The following KSR2 variants were observed in gnomAD, a reference collection of about 807,000 sequenced individuals.
KSR2 encodes kinase suppressor of ras 2.
KSR2 carries 25 observed loss-of-function variants against 107.8 expected under a neutral mutation model. The observed-to-expected ratio is 0.23, with a 90% confidence interval of 0.17 to 0.32. The LOEUF (loss-of-function observed/expected upper bound fraction) is 0.32, where lower values mean the gene tolerates loss of function less well. Ranked by LOEUF, KSR2 falls within the 10% of genes least tolerant of loss-of-function variation. KSR2 has a pLI of 1.00. For synonymous variants in KSR2, 480 were observed against 507.0 expected, an observed-to-expected ratio of 0.95 and a Z score of 0.71; for missense variants, 887 against 1,268.9, an observed-to-expected ratio of 0.70 and a Z score of 4.57.
intron 9 of KSR2, among the ~76,000 whole-genome samples, chr12:117,540,670 G>A (rs1474434150): frequency 6.6e-6 from 1 of 152,120 alleles, no homozygotes. Context: ...ACAGACATAT[G>A]GAGAGGAAAG....
At chr12:117,526,915 C>G (rs1246118177) in intron 13 of KSR2, among the ~76,000 whole-genome samples, 156 bp downstream of exon 13, 1 of 152,178 alleles carries the variant, frequency 6.6e-6, no homozygotes, top group Non-Finnish European at 1.5e-5. Flanking sequence ...GGGACCACTG[C>G]TTGCTAATTG....
At chr12:117,716,628 G>A (rs1024802620) in intron 4 of KSR2, among the ~76,000 whole-genome samples, 1 of 152,074 alleles carries the variant, frequency 6.6e-6, no homozygotes. Context: ...TACATACAGG[G>A]TTTGTATTAC....
chr12:117,737,487 A>G (rs1887989653), intron 4 of KSR2, among the ~76,000 whole-genome samples: 1 of 152,104 alleles, frequency 6.6e-6, no homozygotes, highest in Non-Finnish European at 1.5e-5. Context: ...CATTTCTTTA[A>G]ATTGACTTTT....
chr12:117,578,437 T>TACA (rs1593013187), intron 7 of KSR2, among the ~76,000 whole-genome samples: 1 of 151,586 alleles, frequency 6.6e-6, no homozygotes, highest in Admixed American at 6.6e-5. Context: ...CTACTAAAAT[T>TACA]ACAACAACAA....
At chr12:117,517,877 G>A in intron 14 of KSR2, 2 of 455,894 alleles carry the variant, frequency 4.4e-6, no homozygotes, top group South Asian at 3.1e-5. Flanking sequence ...AAATTAGAAA[G>A]ACCACAAGTA....
intron 9 of KSR2, among the ~76,000 whole-genome samples, chr12:117,553,706 G>T (rs1877466377): frequency 6.6e-6 from 1 of 152,138 alleles, no homozygotes; most frequent in Admixed American, 6.5e-5. Flanking sequence ...GGTCACAGGG[G>T]TGGATCCCTC....
At chr12:117,629,634 A>G (rs1458191132) in intron 5 of KSR2, among the ~76,000 whole-genome samples, 2 of 152,224 alleles carry the variant, frequency 1.3e-5, no homozygotes, top group East Asian at 1.9e-4. Flanking sequence ...GTGCATGAGA[A>G]TCAGAACTCT....
chr12:117,771,505 C>T (rs1382701990), intron 3 of KSR2, among the ~76,000 whole-genome samples: 1 of 152,114 alleles, frequency 6.6e-6, no homozygotes, highest in Non-Finnish European at 1.5e-5. Context: ...TCTTCAGCCT[C>T]GGCAAAATAA....
At chr12:117,498,610 G>A (rs533293655) in intron 14 of KSR2, among the ~76,000 whole-genome samples, 44 of 152,222 alleles carry the variant, frequency 2.9e-4, no homozygotes, top group Admixed American at 7.8e-4. Context: ...CAAGTGATAC[G>A]ATTTGGCTGT....
At chr12:117,799,987 T>C (rs1890770706) in intron 3 of KSR2, among the ~76,000 whole-genome samples, 1 of 152,216 alleles carries the variant, frequency 6.6e-6, no homozygotes, top group Non-Finnish European at 1.5e-5. Flanking sequence ...GCCTGCAAGA[T>C]GACAGTAGAG....
intron 3 of KSR2, among the ~76,000 whole-genome samples, chr12:117,798,385 C>A (rs1012349364): frequency 1.3e-5 from 2 of 152,238 alleles, no homozygotes; most frequent in African/African-American, 4.8e-5. Context: ...GTCATCCCAG[C>A]ACTTTGGGAG....
chr12:117,938,553 A>G (rs1895911296), intron 1 of KSR2, among the ~76,000 whole-genome samples: 1 of 106,184 alleles, frequency 9.4e-6, no homozygotes, highest in African/African-American at 3.1e-5. Context: ...AACTTAAAGT[A>G]TAATAATAAT....
chr12:117,782,090 T>G (rs905784147), intron 3 of KSR2, among the ~76,000 whole-genome samples: 1 of 152,198 alleles, frequency 6.6e-6, no homozygotes, highest in Non-Finnish European at 1.5e-5. Flanking sequence ...TGTTGATTAT[T>G]CTTTCCACAT....
intron 10 of KSR2, among the ~76,000 whole-genome samples, chr12:117,532,348 A>T (rs1230861303): frequency 6.6e-6 from 1 of 152,142 alleles, no homozygotes; most frequent in Non-Finnish European, 1.5e-5. Context: ...TCATGGCTCC[A>T]TCACTCCAAC....
chr12:117,471,348 T>C (rs1259397911), intron 17 of KSR2, 28 bp from the exon 18 acceptor site: 1 of 1,607,654 alleles, frequency 6.2e-7, no homozygotes, highest in Non-Finnish European at 8.5e-7. Flanking sequence ...TAAAGGGGTG[T>C]TGGTGTGGTG....
intron 4 of KSR2, among the ~76,000 whole-genome samples, chr12:117,698,535 A>G (rs1886164673): frequency 6.6e-6 from 1 of 151,884 alleles, no homozygotes; most frequent in Non-Finnish European, 1.5e-5. Context: ...TATGTTGCCC[A>G]GGCTGGTCTC....
chr12:117,509,926 C>T (rs1333923143), intron 14 of KSR2, among the ~76,000 whole-genome samples: 1 of 152,170 alleles, frequency 6.6e-6, no homozygotes, highest in Non-Finnish European at 1.5e-5. Flanking sequence ...TTTCTACTGC[C>T]ATCAAAGGGA....
intron 4 of KSR2, among the ~76,000 whole-genome samples, chr12:117,727,980 AT>A (rs1887504996): frequency 6.6e-6 from 1 of 152,232 alleles, no homozygotes; most frequent in Non-Finnish European, 1.5e-5. Flanking sequence ...ACACTATATG[AT>A]GGCATTTACG....
chr12:117,909,769 A>G (rs1410580957), intron 1 of KSR2, among the ~76,000 whole-genome samples: 1 of 151,526 alleles, frequency 6.6e-6, no homozygotes, highest in East Asian at 1.9e-4. Flanking sequence ...AAAGCTGGGC[A>G]TGGTGGCGCA....
Sources: allele counts gnomAD v4.1 joint callset (sites outside exome capture counted in the v4.1 genomes callset), GRCh38; gene constraint gnomAD v4.1.1; transcripts MANE v1.5; gene names NCBI Gene and HGNC (gene_info 2026-07-23, HGNC 2026-07-21).